The following ADAMTS6 variants were observed in gnomAD, a reference collection of about 807,000 sequenced individuals.
ADAMTS6 encodes A disintegrin and metalloproteinase with thrombospondin motifs 6.
A neutral mutation model predicts 144.3 loss-of-function variants in ADAMTS6; 23 were observed. The ratio of observed to expected loss-of-function variants is 0.16; its 90% confidence interval spans 0.11 to 0.23. The LOEUF is 0.23. ADAMTS6 is among the 10% of genes least tolerant of loss of function. The pLI is 1.00. For missense variants in ADAMTS6, 999 were observed against 1,379.6 expected, an observed-to-expected ratio of 0.72 and a Z score of 4.37; for synonymous variants, 444 against 457.5, an observed-to-expected ratio of 0.97 and a Z score of 0.38.
At chr5:65,319,073 G>C (rs1382629797) in intron 9 of ADAMTS6, among the ~76,000 whole-genome samples, 1 of 151,978 alleles carries the variant, frequency 6.6e-6, no homozygotes, top group Admixed American at 6.6e-5. Flanking sequence ...TAGAACATAT[G>C]ATAGACCATG....
chr5:65,363,947 A>G (rs1561465441), intron 7 of ADAMTS6, among the ~76,000 whole-genome samples: 3 of 152,230 alleles, frequency 2.0e-5, no homozygotes, highest in African/African-American at 7.2e-5. Flanking sequence ...ATCCCAGGAT[A>G]TTTAATTTGA....
chr5:65,356,828 T>C (rs751611195), intron 7 of ADAMTS6, among the ~76,000 whole-genome samples: 5 of 152,046 alleles, frequency 3.3e-5, no homozygotes, highest in Middle Eastern at 3.4e-3. Context: ...CTTAAAATTA[T>C]GTGTTTCAGA....
chr5:65,202,992 T>C (rs1352927727), intron 20 of ADAMTS6, among the ~76,000 whole-genome samples: 1 of 152,184 alleles, frequency 6.6e-6, no homozygotes, highest in Non-Finnish European at 1.5e-5. Flanking sequence ...TTGTTCAACA[T>C]TTTTTTCCAC....
At chr5:65,158,908 T>C (rs1752585910) in intron 24 of ADAMTS6, among the ~76,000 whole-genome samples, 2 of 152,172 alleles carry the variant, frequency 1.3e-5, no homozygotes, top group Non-Finnish European at 2.9e-5. Flanking sequence ...CCTCCCTCCA[T>C]TTCTTCAATC....
intron 7 of ADAMTS6, among the ~76,000 whole-genome samples, chr5:65,444,274 C>G (rs183250809): frequency 1.3e-5 from 2 of 152,226 alleles, no homozygotes; most frequent in Admixed American, 6.5e-5. Flanking sequence ...CACCTGTAAT[C>G]CCAGCTATTT....
At chr5:65,219,895 C>A in intron 18 of ADAMTS6, among the ~76,000 whole-genome samples, 1 of 152,256 alleles carries the variant, frequency 6.6e-6, no homozygotes, top group Middle Eastern at 3.4e-3. Context: ...TTAATAAGAA[C>A]AGTAAACAAA....
Position 65,214,076 on chromosome 5 carries a change from G to A in ADAMTS6, c.2575+718C>T, listed in dbSNP as rs974385860. ...AGCAAGGGTGTTGGCTTTGAAGGAA[G>A]CCAACTGTCCTGCTCTCCCAGCCAG... On this transcript the variant is annotated intron_variant, in intron 20 of 24. Transcript: ENST00000381055. This position sits in a 1 kb window ranked among gnomAD's most constrained non-coding sequence, Gnocchi z 4.6. The A allele has an allele frequency of 5.8e-6, 1 of 171,854 alleles. No homozygotes were observed. Among genetic ancestry groups the A allele is most frequent in the Non-Finnish European group, 1.4e-5 (1 of 69,904 alleles). 10.6% of individuals were successfully genotyped at this position (171,854 alleles called of 1,614,324 possible). A position where few individuals can be genotyped will look rare whatever the true frequency, so the allele number is the denominator to read the frequency against.
At chr5:65,155,436 A>G (rs1291361011) in intron 24 of ADAMTS6, among the ~76,000 whole-genome samples, 1 of 152,218 alleles carries the variant, frequency 6.6e-6, no homozygotes, top group East Asian at 1.9e-4. Flanking sequence ...CCTGCACAGC[A>G]TATTACTATA....
At chr5:65,450,610 G>A (rs1404644100) in intron 7 of ADAMTS6, among the ~76,000 whole-genome samples, 1 of 151,982 alleles carries the variant, frequency 6.6e-6, no homozygotes, top group Admixed American at 6.6e-5. Context: ...GAAGTCAAAA[G>A]GCACACTTAT....
chr5:65,224,872 G>A, intron 17 of ADAMTS6, 52 bp downstream of exon 17: 1 of 1,526,452 alleles, frequency 6.6e-7, no homozygotes, highest in South Asian at 1.3e-5. Flanking sequence ...GAGGGTTTTG[G>A]CTCCTCCAAG....
intron 1 of ADAMTS6, among the ~76,000 whole-genome samples, chr5:65,474,796 CAAAAAAAAAAAA>C (rs11330695): frequency 1.3e-5 from 1 of 78,882 alleles, no homozygotes; most frequent in Non-Finnish European, 2.6e-5. Flanking sequence ...AAACTGTGAC[CAAAAAAAAAAAA>C]AAAAAAAAGG....
chr5:65,438,993 C>T (rs1757663935), intron 7 of ADAMTS6, among the ~76,000 whole-genome samples: 1 of 152,006 alleles, frequency 6.6e-6, no homozygotes, highest in Admixed American at 6.5e-5. Context: ...TATTTACTGG[C>T]AGGGTGGTAA....
intron 7 of ADAMTS6, among the ~76,000 whole-genome samples, chr5:65,435,355 G>T (rs1379800658): frequency 6.6e-6 from 1 of 152,062 alleles, no homozygotes; most frequent in Non-Finnish European, 1.5e-5. Flanking sequence ...AACTTTATGA[G>T]TAATTTTTTA....
At chr5:65,367,851 T>C (rs1750449415) in intron 7 of ADAMTS6, among the ~76,000 whole-genome samples, 1 of 151,994 alleles carries the variant, frequency 6.6e-6, no homozygotes, top group Non-Finnish European at 1.5e-5. Context: ...TACATATATA[T>C]ATATCTATAT....
intron 12 of ADAMTS6, among the ~76,000 whole-genome samples, chr5:65,272,342 C>A (rs559255801): frequency 6.6e-6 from 1 of 152,178 alleles, no homozygotes. Context: ...CTATCTGTTT[C>A]AACAATTGTT....
chr5:65,363,675 T>A (rs1048273457), intron 7 of ADAMTS6, among the ~76,000 whole-genome samples: 14 of 152,184 alleles, frequency 9.2e-5, no homozygotes, highest in Non-Finnish European at 2.1e-4. Context: ...ATCCACTAAA[T>A]GCAAATAATT....
intron 22 of ADAMTS6, among the ~76,000 whole-genome samples, chr5:65,184,377 G>T (rs1158639138): frequency 1.3e-5 from 2 of 152,182 alleles, no homozygotes; most frequent in African/African-American, 2.4e-5. Context: ...CTAGGAGTAT[G>T]CAAGGTGCTG....
At chr5:65,330,984 A>G (rs995081143) in intron 8 of ADAMTS6, among the ~76,000 whole-genome samples, 1 of 152,054 alleles carries the variant, frequency 6.6e-6, no homozygotes, top group Admixed American at 6.6e-5. Context: ...TCCAATCTCC[A>G]CTGAGAGAAA....
chr5:65,158,553 A>C (rs945717241), intron 24 of ADAMTS6, among the ~76,000 whole-genome samples: 2 of 151,068 alleles, frequency 1.3e-5, no homozygotes, highest in African/African-American at 4.9e-5. Flanking sequence ...AAGATGAATA[A>C]AATGGCATTT....
Sources: gnomAD v4.1 joint callset for allele counts (sites outside exome capture counted in the v4.1 genomes callset) on GRCh38, gnomAD v4.1.1 for gene constraint, Gnocchi (gnomAD v3.1) non-coding constraint, MANE v1.5 for transcripts, NCBI Gene and HGNC (gene_info 2026-07-23, HGNC 2026-07-21) for gene names.